ZNF823: variants seen among roughly 807,000 people sequenced by gnomAD.
The protein encoded by ZNF823 is ZFP 36 for a zinc finger protein.
ZNF823 carries 5 observed loss-of-function variants against 11.4 expected under a neutral mutation model. The observed-to-expected ratio is 0.44, with a 90% CI of 0.23 to 0.92. The LOEUF (loss-of-function observed/expected upper bound fraction) is 0.92, where lower values mean the gene tolerates loss of function less well. Ranked by LOEUF, ZNF823 falls within the 40% of genes least tolerant of loss-of-function variation. ZNF823 has a pLI of 0.24. For missense variants in ZNF823, 582 were observed against 738.5 expected (o/e 0.79, Z 2.46); for synonymous variants, 234 against 250.5 (o/e 0.93, Z 0.62).
At chr19:11,737,454 G>A (rs1975012373) in intron 1 of ZNF823, among the ~76,000 whole-genome samples, 1 of 151,690 alleles carries the variant, frequency 6.6e-6, no homozygotes. Context: ...TAGAGACGGA[G>A]TTCCTCCATG....
rs950162746 is a variant in ZNF823, at chr19:11,726,285, T to TACATATAC, written c.4-959_4-958insGTATATGT. On this transcript the variant is annotated intron_variant, in intron 1 of 3. Transcript: ENST00000341191. ...AAAGTAAAAAACAAAAAATAAAAAA[T>TACATATAC]ACATATATATATATATATATATAAA... 4.2e-5 allele frequency among the ~76,000 whole-genome samples: 5 copies of TACATATAC among 119,664 alleles called. 1 individual carries two copies. Among genetic ancestry groups the TACATATAC allele is most frequent in the Admixed American group, 1.8e-4 (2 of 11,322 alleles). The allele number at this position is 119,664 out of a possible 152,430, so 78.5% of individuals were successfully genotyped here.
At chr19:11,725,415 G>A (rs1321157534) in intron 1 of ZNF823, 88 bp from the exon 2 acceptor site, 8 of 1,556,460 alleles carry the variant, frequency 5.1e-6, no homozygotes, top group Non-Finnish European at 7.0e-6. Flanking sequence ...GCATGATGCT[G>A]TGGTTTCCAA....
chr19:11,735,913 T>C (rs2145052180), intron 1 of ZNF823, among the ~76,000 whole-genome samples: 1 of 151,528 alleles, frequency 6.6e-6, no homozygotes, highest in South Asian at 2.1e-4. Context: ...TTTTCCATAA[T>C]AATAAATCAT....
rs1312796913 is a variant in ZNF823, at chr19:11,738,836, G to A, written c.-17C>T. ...ACTCACCATTTCCCAGCTTCCAGGT[G>A]TCCGGGTGTCCTCCTTAAAAGCCAG... On this transcript the variant is annotated 5_prime_UTR_variant, in exon 1 of 4. Transcript: ENST00000341191. 6 of 1,608,590 alleles carry A rather than the reference G, an allele frequency of 3.7e-6. No homozygotes were observed. Among genetic ancestry groups the A allele is most frequent in the East Asian group, 2.3e-5 (1 of 44,388 alleles).
chr19:11,738,927 C>A lies in ZNF823; in HGVS notation c.-108G>T, dbSNP rs1975047811. Reference sequence around the variant, plus strand: ...GGGCGTCTCTCTCTCAGCGCCAGAGCCAGGACTCAGAGCGCAGGGGCGTGG... The same window carrying A: ...GGGCGTCTCTCTCTCAGCGCCAGAGACAGGACTCAGAGCGCAGGGGCGTGG... On this transcript the variant is annotated 5_prime_UTR_variant, in exon 1 of 4. Transcript: ENST00000341191. 2 of 1,423,910 alleles carry A rather than the reference C, an allele frequency of 1.4e-6. No individual in the cohort carries two copies. The highest frequency in any genetic ancestry group is 2.7e-5 in the East Asian group (1 of 37,346). The allele number at this position is 1,423,910 out of a possible 1,614,324, so 88.2% of individuals were successfully genotyped here.
chr19:11,728,214 A>G (rs1343053034), intron 1 of ZNF823, among the ~76,000 whole-genome samples: 3 of 152,128 alleles, frequency 2.0e-5, no homozygotes, highest in African/African-American at 7.2e-5. Flanking sequence ...ATGGAACCCA[A>G]TCAGGGTCAA....
At chr19:11,731,423 G>A (rs908149996) in intron 1 of ZNF823, among the ~76,000 whole-genome samples, 4 of 152,160 alleles carry the variant, frequency 2.6e-5, no homozygotes, top group African/African-American at 9.7e-5. Flanking sequence ...ATTCATACAT[G>A]ATAAACATAT....
chr19:11,723,238 T>C lies in ZNF823; in HGVS notation c.296A>G (p.Asp99Gly). 6.2e-7 allele frequency: 1 copy of C among 1,614,098 alleles called. No individual in the cohort carries two copies. The highest frequency in any genetic ancestry group is 2.2e-5 in the East Asian group (1 of 44,894). Residue 99 changes from aspartate (D) to glycine (G), a missense_variant, in exon 4 of 4, where the codon GAC becomes GGC. This residue lies in a region of ZNF823 where 429 missense variants were observed against 553.7 expected (regional missense o/e 0.77). Transcript: ENST00000341191. ...NKNTPRVNPC[D>G]SGECGEVVLG... ...GACGACTTCTCCACACTCACCACTGTCACATGGATTTACTCGAGGAGTGTT... is the reference window on the plus strand; with the variant it reads ...GACGACTTCTCCACACTCACCACTGCCACATGGATTTACTCGAGGAGTGTT...
Position 11,725,341 on chromosome 19 carries a change from CAT to C in ZNF823, c.4-16_4-15del. ...GGCCACTGAGTCCTGAAACATCCCA[CAT>C]GTGCAGAGGAGGAAGGTTGAGATGG... On this transcript the variant is annotated splice_polypyrimidine_tract_variant and intron_variant, in intron 1 of 3. Transcript: ENST00000341191. 6.2e-7 allele frequency: 1 copy of C among 1,613,118 alleles called. No homozygotes were observed. Among genetic ancestry groups the C allele is most frequent in the Admixed American group, 1.7e-5 (1 of 59,886 alleles).
chr19:11,727,809 T>C (rs1974819002), intron 1 of ZNF823, among the ~76,000 whole-genome samples: 1 of 152,158 alleles, frequency 6.6e-6, no homozygotes, highest in Admixed American at 6.5e-5. Context: ...GATCAGGTCT[T>C]ACTTGCAAAT....
chr19:11,732,569 G>C (rs1446472498), intron 1 of ZNF823, among the ~76,000 whole-genome samples: 3 of 151,736 alleles, frequency 2.0e-5, no homozygotes, highest in Admixed American at 2.0e-4. Context: ...AAAGTGCCGG[G>C]ATTACAGGCG....
chr19:11,724,941 A>C (rs1454845866), intron 2 of ZNF823, among the ~76,000 whole-genome samples: 2 of 152,144 alleles, frequency 1.3e-5, no homozygotes, highest in Non-Finnish European at 2.9e-5. Context: ...AATACATATG[A>C]CATACAATAT....
chr19:11,732,543 C>T (rs1170667854), intron 1 of ZNF823, among the ~76,000 whole-genome samples: 1 of 151,682 alleles, frequency 6.6e-6, no homozygotes, highest in African/African-American at 2.4e-5. Flanking sequence ...TCGTGATCGG[C>T]CCGCCTCAGC....
intron 1 of ZNF823, among the ~76,000 whole-genome samples, chr19:11,736,615 A>T (rs10418223): frequency 2.0e-5 from 3 of 152,350 alleles, no homozygotes; most frequent in Admixed American, 6.5e-5. Flanking sequence ...CTCTTTGAAC[A>T]TACTTTATCT....
chr19:11,730,682 A>C (rs1326461947), intron 1 of ZNF823: 1 of 152,228 alleles, frequency 6.6e-6, no homozygotes, highest in East Asian at 1.9e-4. Context: ...GTAAAAAGCA[A>C]CATCTAATCA....
intron 1 of ZNF823, among the ~76,000 whole-genome samples, chr19:11,735,559 T>C (rs886435849): frequency 2.6e-5 from 4 of 152,142 alleles, no homozygotes; most frequent in African/African-American, 9.7e-5. Context: ...CTCCCATGTT[T>C]GGAATGAACA....
At chr19:11,731,046 C>T (rs1387068713) in intron 1 of ZNF823, among the ~76,000 whole-genome samples, 2 of 149,844 alleles carry the variant, frequency 1.3e-5, no homozygotes, top group Admixed American at 1.3e-4. Flanking sequence ...GGTGAGGTGG[C>T]TCACGCCTGT....
chr19:11,727,410 T>A (rs1974810962), intron 1 of ZNF823, among the ~76,000 whole-genome samples: 1 of 152,010 alleles, frequency 6.6e-6, no homozygotes, highest in Non-Finnish European at 1.5e-5. Flanking sequence ...CTCAGGAGGC[T>A]GAGGCAGGAG....
rs374127536 is a variant in ZNF823, at chr19:11,722,089, C to A, written c.1445G>T (p.Cys482Phe). ...ECKECGKAFS[C>F]FKYLSQHKRT... is the part of the protein sequence containing the mutation. ...TTTATGTTGAGAAAGGTATTTGAAA[C>A]AACTGAATGCTTTCCCACATTCCTT... Residue 482 changes from cysteine (C) to phenylalanine (F), a missense_variant, in exon 4 of 4, where the codon TGT (cysteine) becomes TTT (phenylalanine). This residue lies in a region of ZNF823 where 144 missense variants were observed against 154.3 expected (regional missense o/e 0.93). Transcript: ENST00000341191. This position sits in a 1 kb window ranked among gnomAD's most constrained non-coding sequence, Gnocchi z 5.2. The A allele has an allele frequency of 3.7e-6, 6 of 1,610,752 alleles. No homozygotes were observed. The highest frequency in any genetic ancestry group is 5.1e-6 in the Non-Finnish European group (6 of 1,179,130).
Sources: allele counts gnomAD v4.1 joint callset (sites outside exome capture counted in the v4.1 genomes callset), GRCh38; gene constraint gnomAD v4.1.1; regional missense constraint gnomAD v4.1.1; non-coding constraint Gnocchi (gnomAD v3.1); transcripts MANE v1.5; gene names NCBI Gene and HGNC (gene_info 2026-07-23, HGNC 2026-07-21).